NELL1: variants seen among roughly 807,000 people sequenced by gnomAD.
The protein encoded by NELL1 is neural EGFL like 1.
NELL1 carries 76 observed loss-of-function variants against 107.4 expected under a neutral mutation model. That is an observed-to-expected ratio of 0.71 (90% CI 0.59 to 0.86). The LOEUF (loss-of-function observed/expected upper bound fraction) is 0.86, where lower values mean the gene tolerates loss of function less well. NELL1 is among the 40% of genes least tolerant of loss of function. NELL1 has a pLI of 0.00. For synonymous variants in NELL1, 353 were observed against 341.2 expected, an observed-to-expected ratio of 1.03 and a Z score of -0.38; for missense variants, 1,024 against 1,005.5, an observed-to-expected ratio of 1.02 and a Z score of -0.25.
rs1453985 is a variant in NELL1, at chr11:21,225,455, G to A, written c.1427-3877G>A. On this transcript the variant is annotated intron_variant, in intron 13 of 19. Transcript: ENST00000357134. ...CCACAATGGGAGTTCCTCTTGGCTT[G>A]AAACAAATTGATACCGGGTGCTTTG... 9.6e-3 allele frequency among the ~76,000 whole-genome samples: 1,465 copies of A among 152,252 alleles called. 13 individuals are homozygous for A. The highest frequency in any genetic ancestry group is 0.031 in the Middle Eastern group (9 of 294).
At chr11:21,052,445 A>G (rs1310047084) in intron 12 of NELL1, among the ~76,000 whole-genome samples, 3 of 152,106 alleles carry the variant, frequency 2.0e-5, no homozygotes, top group African/African-American at 7.2e-5. Flanking sequence ...ACCACATGGT[A>G]GCAACAGAGG....
chr11:20,730,006 T>C (rs1855595343), intron 2 of NELL1, among the ~76,000 whole-genome samples: 1 of 152,146 alleles, frequency 6.6e-6, no homozygotes, highest in Non-Finnish European at 1.5e-5. Context: ...AGAGAGAAGA[T>C]GAATTTCCAA....
intron 14 of NELL1, among the ~76,000 whole-genome samples, chr11:21,258,134 C>T (rs1858816380): frequency 6.6e-6 from 1 of 152,004 alleles, no homozygotes. Flanking sequence ...GGACATTTGT[C>T]CACAGGACTT....
intron 3 of NELL1, among the ~76,000 whole-genome samples, chr11:20,835,699 A>T (rs1337835476): frequency 6.6e-6 from 1 of 152,232 alleles, no homozygotes; most frequent in Non-Finnish European, 1.5e-5. Context: ...TTCCTAAAAA[A>T]TGATGCTTGC....
At chr11:20,701,033 A>G (rs1854768616) in intron 2 of NELL1, among the ~76,000 whole-genome samples, 1 of 152,172 alleles carries the variant, frequency 6.6e-6, no homozygotes, top group Admixed American at 6.5e-5. Context: ...CAGTAATGGG[A>G]TGGCTGGGTC....
rs183268651 is a variant in NELL1, at chr11:21,511,291, C to T, written c.1646-23083C>T. Among the ~76,000 whole-genome samples the T allele has an allele frequency of 5.7e-3, 862 of 152,268 alleles. 24 individuals are homozygous for T. Among genetic ancestry groups the T allele is most frequent in the Admixed American group, 9.2e-4 (14 of 15,280 alleles). The stretch of plus-strand genomic sequence containing the variant: ...TACTTCCTCTAACCCATCCTAGTTT[C>T]CTACAACTTTCTTATTTGTACTTTT... On this transcript the variant is annotated intron_variant, in intron 15 of 19. Transcript: ENST00000357134.
At chr11:21,070,031 C>T (rs138730864) in intron 12 of NELL1, among the ~76,000 whole-genome samples, 187 of 152,146 alleles carry the variant, frequency 1.2e-3, no homozygotes, top group African/African-American at 4.1e-3. Flanking sequence ...CATGTGATAA[C>T]GTATATTGGA....
intron 15 of NELL1, among the ~76,000 whole-genome samples, chr11:21,440,045 A>G (rs183267986): frequency 2.2e-3 from 329 of 152,320 alleles, no homozygotes; most frequent in African/African-American, 7.5e-3. Context: ...CATAAACCAT[A>G]TTATCTACTA....
At chr11:20,834,343 C>T (rs972927433) in intron 3 of NELL1, among the ~76,000 whole-genome samples, 1 of 152,032 alleles carries the variant, frequency 6.6e-6, no homozygotes, top group East Asian at 1.9e-4. Context: ...GGATGAGGCC[C>T]AGGTTTTGGG....
At chr11:21,059,619 C>T (rs1853691129) in intron 12 of NELL1, among the ~76,000 whole-genome samples, 1 of 152,064 alleles carries the variant, frequency 6.6e-6, no homozygotes. Flanking sequence ...CGGATATACA[C>T]TAGGGTCTGA....
intron 14 of NELL1, among the ~76,000 whole-genome samples, chr11:21,308,000 C>G (rs890062970): frequency 1.5e-4 from 23 of 151,910 alleles, no homozygotes; most frequent in Admixed American, 6.6e-4. Context: ...GAACAAAATG[C>G]TAAGTATGAT....
chr11:20,898,395 G>T (rs527530544), intron 5 of NELL1, among the ~76,000 whole-genome samples: 1 of 151,982 alleles, frequency 6.6e-6, no homozygotes, highest in Middle Eastern at 3.4e-3. Flanking sequence ...ACAGGAAGGG[G>T]AATATCACAC....
At chr11:21,424,489 C>T (rs1852771273) in intron 15 of NELL1, among the ~76,000 whole-genome samples, 1 of 152,020 alleles carries the variant, frequency 6.6e-6, no homozygotes, top group African/African-American at 2.4e-5. Flanking sequence ...GATGTGGTGT[C>T]AGGCACCTGT....
At chr11:21,006,051 G>A (rs1852321382) in intron 12 of NELL1, among the ~76,000 whole-genome samples, 1 of 151,536 alleles carries the variant, frequency 6.6e-6, no homozygotes, top group African/African-American at 2.4e-5. Context: ...GGGGGGAGTG[G>A]GAAATTAAAT....
At chr11:21,402,274 C>T (rs1190306242) in intron 15 of NELL1, among the ~76,000 whole-genome samples, 1 of 151,780 alleles carries the variant, frequency 6.6e-6, no homozygotes, top group African/African-American at 2.4e-5. Context: ...ACTTTGAGTA[C>T]ACCCTTTTCC....
intron 12 of NELL1, among the ~76,000 whole-genome samples, chr11:21,095,256 G>T (rs1235809660): frequency 6.6e-6 from 1 of 152,114 alleles, no homozygotes; most frequent in Non-Finnish European, 1.5e-5. Flanking sequence ...GACCACCTCA[G>T]CCTGAACCTT....
chr11:21,570,991 A>G, intron 18 of NELL1, 51 bp downstream of exon 18: 1 of 1,551,818 alleles, frequency 6.4e-7, no homozygotes, highest in South Asian at 1.2e-5. Flanking sequence ...GAAAGAGGTT[A>G]CAAATTCAGT....
chr11:21,522,673 C>T (rs1339401442), intron 15 of NELL1, among the ~76,000 whole-genome samples: 1 of 151,974 alleles, frequency 6.6e-6, no homozygotes, highest in Non-Finnish European at 1.5e-5. Context: ...GTAATATTGC[C>T]AGGTAACAAA....
At chr11:20,933,346 A>G (rs891810351) in intron 9 of NELL1, among the ~76,000 whole-genome samples, 1 of 152,188 alleles carries the variant, frequency 6.6e-6, no homozygotes, top group Non-Finnish European at 1.5e-5. Flanking sequence ...GTAAGGGAGA[A>G]ATTGCCAGGT....
Sources: gnomAD v4.1 joint callset for allele counts (sites outside exome capture counted in the v4.1 genomes callset) on GRCh38, gnomAD v4.1.1 for gene constraint, MANE v1.5 for transcripts, NCBI Gene and HGNC (gene_info 2026-07-23, HGNC 2026-07-21) for gene names.